Variants in DOCK8 observed in about 807,000 individuals in gnomAD.
DOCK8 encodes dedicator of cytokinesis 8, also known as dedicator of cytokinesis protein 8.
Under a neutral mutation model 245.6 loss-of-function variants are expected in DOCK8, and 141 were observed. The observed-to-expected ratio is 0.57, with a 90% CI of 0.50 to 0.66. The LOEUF (loss-of-function observed/expected upper bound fraction) is 0.66. Ranked by LOEUF, DOCK8 falls within the 30% of genes least tolerant of loss-of-function variation. The pLI, the probability that DOCK8 is intolerant of heterozygous loss-of-function variation, is 0.00. For missense variants in DOCK8, 2,965 were observed against 2,603.4 expected (o/e 1.14, Z -3.02); for synonymous variants, 1,168 against 970.2 (o/e 1.20, Z -3.79).
intron 39 of DOCK8, among the ~76,000 whole-genome samples, chr9:435,876 T>C (rs975862761): frequency 6.6e-6 from 1 of 152,220 alleles, no homozygotes; most frequent in Non-Finnish European, 1.5e-5. Context: ...GAGATGACCA[T>C]CCCTGAAACC....
chr9:347,802 G>A (rs560826706), intron 14 of DOCK8, among the ~76,000 whole-genome samples: 25 of 152,202 alleles, frequency 1.6e-4, no homozygotes, highest in East Asian at 3.9e-4. Context: ...CCTCCTATTT[G>A]TAAGAATGAA....
intron 26 of DOCK8, among the ~76,000 whole-genome samples, chr9:403,944 G>C (rs184788811): frequency 1.6e-4 from 11 of 68,340 alleles, no homozygotes; most frequent in African/African-American, 8.2e-4. Flanking sequence ...ATATATATAT[G>C]TGTATATATA....
intron 17 of DOCK8, 52 bp from the exon 18 acceptor site, chr9:372,133 G>C: frequency 6.7e-7 from 1 of 1,490,242 alleles, no homozygotes; most frequent in Non-Finnish European, 9.3e-7. Context: ...TAAATTATCA[G>C]AATTATATGC....
intron 26 of DOCK8, among the ~76,000 whole-genome samples, chr9:402,653 T>C (rs1173770575): frequency 6.6e-6 from 1 of 152,228 alleles, no homozygotes; most frequent in Non-Finnish European, 1.5e-5. Flanking sequence ...GCATAACCTA[T>C]TATGTTTTCT....
intron 12 of DOCK8, among the ~76,000 whole-genome samples, chr9:338,160 G>GA (rs58900019): frequency 0.096 from 13,602 of 141,116 alleles, 1,109 homozygotes; most frequent in African/African-American, 0.22. Context: ...TCTCAGAAAA[G>GA]AAAAAAAAAA....
intron 10 of DOCK8, 111 bp downstream of exon 10, chr9:332,589 A>G: frequency 2.9e-6 from 2 of 697,554 alleles, no homozygotes; most frequent in Non-Finnish European, 5.2e-6. Flanking sequence ...TCCCTATATA[A>G]GACACTACTA....
At position 414,779 on chromosome 9, in the gene DOCK8, C is replaced by T. The variant is rs1413239798; in HGVS notation, c.3531-3C>T. ...CCTCTTGATTCCTGTGTTGTGCCAA[C>T]AGAATCAGCAAAGTACAAAGGAAAG... On this transcript the variant is annotated splice_polypyrimidine_tract_variant and splice_region_variant and intron_variant, in intron 28 of 47. Transcript: ENST00000432829. 6.2e-7 allele frequency: 1 copy of T among 1,614,170 alleles called. No homozygotes were observed. The highest frequency in any genetic ancestry group is 1.7e-5 in the Admixed American group (1 of 60,014).
chr9:215,543 C>G, intron 1 of DOCK8: 1 of 1,180,226 alleles, frequency 8.5e-7, no homozygotes, highest in Non-Finnish European at 1.1e-6. Flanking sequence ...CCAGAAAGAG[C>G]TTGGCTCCTG....
chr9:405,842 G>T (rs1198573834), intron 27 of DOCK8, among the ~76,000 whole-genome samples: 1 of 152,182 alleles, frequency 6.6e-6, no homozygotes, highest in Non-Finnish European at 1.5e-5. Flanking sequence ...CCATCTTACT[G>T]TGAACAGGGA....
rs764380170 is a variant in DOCK8, at chr9:418,079, C to T, written c.3712C>T (p.Arg1238Cys). ...TGTTTTCATTGCAGTTGCAGATACT[C>T]GCAGATACCGCACCAGTGGCTCGGA... ...QLCDFTVADT[R>C]RYRTSGSDEE... The change falls in exon 30 of 48, where the codon CGC becomes TGC. Residue 1238 changes from arginine (R) to cysteine (C), a missense_variant. Arg to Cys is a radical substitution (Grantham distance 180). Around this residue, in one of 3 missense-constraint regions of DOCK8, gnomAD observed 2,825 missense variants for 2,453.5 expected, o/e 1.15. Coordinates refer to ENST00000432829, the MANE Select transcript of DOCK8 (RefSeq NM_203447.4). 76 of 1,614,068 alleles carry T rather than the reference C, an allele frequency of 4.7e-5. No homozygotes were observed. Among genetic ancestry groups the T allele is most frequent in the Admixed American group, 1.8e-4 (11 of 60,000 alleles).
At chr9:455,728 T>G (rs1340261869) in intron 46 of DOCK8, among the ~76,000 whole-genome samples, 1 of 152,032 alleles carries the variant, frequency 6.6e-6, no homozygotes, top group Admixed American at 6.6e-5. Flanking sequence ...AGGCCATCCT[T>G]ATCATCATTT....
intron 41 of DOCK8, 52 bp downstream of exon 41, chr9:441,469 T>C (rs747699661): frequency 1.2e-6 from 2 of 1,612,994 alleles, no homozygotes; most frequent in East Asian, 2.2e-5. Context: ...CAGGCGACCC[T>C]GTCCTACAGA....
chr9:254,186 G>A (rs2047716229), intron 1 of DOCK8, among the ~76,000 whole-genome samples: 1 of 152,202 alleles, frequency 6.6e-6, no homozygotes, highest in East Asian at 1.9e-4. Context: ...AGGCATACAG[G>A]TGGCTGAAGA....
chr9:334,431 G>A lies in DOCK8; in HGVS notation c.1285+47G>A, dbSNP rs180676893. Reference sequence around the variant, plus strand: ...GGAAAGGGAGGGCTCCCCAGTGTGCGCTGCCCAGGTCCACAGCTTACTAGC... The same window carrying A: ...GGAAAGGGAGGGCTCCCCAGTGTGCACTGCCCAGGTCCACAGCTTACTAGC... On this transcript the variant is annotated intron_variant, in intron 11 of 47. Transcript: ENST00000432829. 1,873 of 1,596,252 alleles carry A rather than the reference G, an allele frequency of 1.2e-3. 7 individuals are homozygous for A. The highest frequency in any genetic ancestry group is 3.6e-3 in the Middle Eastern group (18 of 5,018).
chr9:400,947 T>TCACCACCACCACCACCACCTCCAC (rs2055017856), intron 26 of DOCK8, among the ~76,000 whole-genome samples: 1 of 28,554 alleles, frequency 3.5e-5, no homozygotes, highest in Non-Finnish European at 5.2e-5. Flanking sequence ...ACCACCACCA[T>TCACCACCACCACCACCACCTCCAC]CACCACCACC....
chr9:424,341 C>T (rs1355729376), intron 33 of DOCK8, among the ~76,000 whole-genome samples: 4 of 152,142 alleles, frequency 2.6e-5, no homozygotes, highest in African/African-American at 9.6e-5. Flanking sequence ...GTAAAACTTC[C>T]CAGGTGATTC....
intron 1 of DOCK8, among the ~76,000 whole-genome samples, chr9:240,197 T>C (rs764988844): frequency 6.6e-6 from 1 of 152,190 alleles, no homozygotes; most frequent in Non-Finnish European, 1.5e-5. Flanking sequence ...GGGAAAGTTA[T>C]TGAAAAGTAG....
rs754976708 is a variant in DOCK8 at position 286,603 on chromosome 9, G to A, written c.299G>A (p.Cys100Tyr). 14 of 1,613,866 alleles carry A rather than the reference G, an allele frequency of 8.7e-6. No individual in the cohort carries two copies. In the South Asian group the frequency reaches 1.4e-4, roughly 16 times the overall value. ...GACGTGGTGTTCACGCCAAAGGAAT[G>A]TAGGACTTTGCAGCCCTCTTTGCCG... is the stretch of plus-strand genomic sequence containing the variant. The part of the protein sequence containing the change: ...DLDVVFTPKE[C>Y]RTLQPSLPEE... The change falls in exon 3 of 48, where the codon TGT becomes TAT. Residue 100 changes from cysteine to tyrosine, a missense_variant. Around this residue, in one of 3 missense-constraint regions of DOCK8, gnomAD observed 2,825 missense variants for 2,453.5 expected, o/e 1.15. Transcript: ENST00000432829.
chr9:367,821 T>A (rs2053080542), intron 14 of DOCK8, among the ~76,000 whole-genome samples, 197 bp from the exon 15 acceptor site: 1 of 152,122 alleles, frequency 6.6e-6, no homozygotes, highest in Non-Finnish European at 1.5e-5. Context: ...CAGAGAGCGA[T>A]GGGGGTTATT....
Sources: gnomAD v4.1 joint callset for allele counts (sites outside exome capture counted in the v4.1 genomes callset) on GRCh38, gnomAD v4.1.1 for gene constraint, gnomAD v4.1.1 regional missense constraint, MANE v1.5 for transcripts, NCBI Gene and HGNC (gene_info 2026-07-23, HGNC 2026-07-21) for gene names.